Variants in RAD23A observed in about 807,000 individuals in gnomAD.
The protein encoded by RAD23A is RAD23 nucleotide excision repair protein A.
Under a neutral mutation model 44.8 loss-of-function variants are expected in RAD23A, and 16 were observed. The observed-to-expected ratio is 0.36, with a 90% CI of 0.24 to 0.54. The LOEUF (loss-of-function observed/expected upper bound fraction) is 0.54, where lower values mean the gene tolerates loss of function less well. Among genes scored for constraint, RAD23A ranks in the 20% least tolerant of loss-of-function variants. RAD23A has a pLI of 0.89. For synonymous variants in RAD23A, 217 were observed against 202.9 expected (o/e 1.07, Z -0.59); for missense variants, 380 against 483.3 (o/e 0.79, Z 2.00).
chr19:12,946,084 G>GGA, intron 1 of RAD23A, 64 bp downstream of exon 1: 1 of 512,144 alleles, frequency 2.0e-6, no homozygotes, highest in Non-Finnish European at 3.7e-6. Context: ...TGGGGGCGGG[G>GGA]AGGCTAGAAT....
chr19:12,953,107 T>C lies in RAD23A; in HGVS notation c.*58T>C. 8.3e-7 allele frequency: 1 copy of C among 1,205,168 alleles called. No homozygotes were observed. 74.7% of individuals were successfully genotyped at this position (1,205,168 alleles called of 1,614,324 possible). ...CTACCCTTATTCCATGAAAGTTTTA[T>C]AAAAGAAAAAATATATATATATTCA... On this transcript the variant is annotated 3_prime_UTR_variant, in exon 9 of 9. Coordinates refer to ENST00000586534, the MANE Select transcript of RAD23A (RefSeq NM_005053.4).
Position 12,948,558 on chromosome 19 carries a change from TG to T in RAD23A, c.472+9del. 1 of 1,590,888 alleles carries T rather than the reference TG, an allele frequency of 6.3e-7. No homozygotes were observed. The highest frequency in any genetic ancestry group is 8.6e-7 in the Non-Finnish European group (1 of 1,167,918). On this transcript the variant is annotated splice_region_variant and intron_variant, in intron 4 of 8. Transcript: ENST00000586534. The surrounding 1 kb of genome is among the most constrained non-coding windows in gnomAD (Gnocchi z 5.5). ...AGACGCGGCCTCCACGCTAGGTGGG[TG>T]GGTGGTCCCCAGGGCAGAGGTGACT...
Position 12,945,883 on chromosome 19 carries a change from A to T in RAD23A, c.-66A>T. 6.5e-7 allele frequency: 1 copy of T among 1,549,272 alleles called. No individual in the cohort carries two copies. Among genetic ancestry groups the T allele is most frequent in the South Asian group, 1.1e-5 (1 of 89,280 alleles). On this transcript the variant is annotated 5_prime_UTR_variant, in exon 1 of 9. It removes an upstream start codon present in the reference 5' UTR. Coordinates refer to ENST00000586534, the MANE Select transcript of RAD23A (RefSeq NM_005053.4). The stretch of plus-strand genomic sequence containing the variant: ...CGGCGCGGCGCGCCTGGGCGCTAAG[A>T]TGGCGGCGGCGTGAGTTGCATGTTG...
At chr19:12,949,895 G>A (rs1188764613) in intron 7 of RAD23A, among the ~76,000 whole-genome samples, 1 of 151,800 alleles carries the variant, frequency 6.6e-6, no homozygotes, top group Non-Finnish European at 1.5e-5. Flanking sequence ...CCCCCTGGGT[G>A]CAAGTAGGTT....
At chr19:12,950,643 T>C (rs994653274) in intron 7 of RAD23A, among the ~76,000 whole-genome samples, 10 of 152,172 alleles carry the variant, frequency 6.6e-5, no homozygotes, top group African/African-American at 2.2e-4. Flanking sequence ...CCTAATGATC[T>C]GCCCGCCTTG....
chr19:12,952,183 G>T (rs1215066011), intron 7 of RAD23A, among the ~76,000 whole-genome samples: 2 of 151,792 alleles, frequency 1.3e-5, no homozygotes, highest in Non-Finnish European at 2.9e-5. Context: ...GTGATTATAG[G>T]TGTGAACCAC....
chr19:12,951,509 T>A (rs533104643), intron 7 of RAD23A, among the ~76,000 whole-genome samples: 2 of 151,170 alleles, frequency 1.3e-5, no homozygotes, highest in South Asian at 4.2e-4. Context: ...TGCAGTGGCG[T>A]GATCTCAGCT....
chr19:12,948,761 C>T lies in RAD23A; in HGVS notation c.548C>T (p.Ala183Val). The T allele has an allele frequency of 1.2e-6, 2 of 1,613,514 alleles. No homozygotes were observed. Among genetic ancestry groups the T allele is most frequent in the South Asian group, 2.2e-5 (2 of 91,080 alleles). Residue 183 changes from alanine (A) to valine (V), a missense_variant, in exon 5 of 9, where the codon GCC (alanine) becomes GTC (valine). Ala to Val is a moderately conservative substitution (Grantham distance 64, BLOSUM62 0). Transcript: ENST00000586534. This position sits in a 1 kb window ranked among gnomAD's most constrained non-coding sequence, Gnocchi z 5.5. ...TATGAGCGAGAGCGGGTCGTGGCCG[C>T]CCTGAGAGCCAGCTACAACAACCCC... ...MGYERERVVA[A>V]LRASYNNPHR...
At position 12,946,084 on chromosome 19, in the gene RAD23A, G is replaced by GGC; in HGVS notation, c.72+64_72+65insGC. ...GTTTCGGGGGTGGGGTGGGGGCGGGGAGGCTAGAATCCCAACGGGAGGGGC... is the reference window on the plus strand; with the variant it reads ...GTTTCGGGGGTGGGGTGGGGGCGGGGGCAGGCTAGAATCCCAACGGGAGGGGC... On this transcript the variant is annotated intron_variant, in intron 1 of 8. Coordinates refer to ENST00000586534, the MANE Select transcript of RAD23A (RefSeq NM_005053.4). 32 of 512,114 alleles carry GGC rather than the reference G, an allele frequency of 6.2e-5. 3 individuals are homozygous for GGC. The highest frequency in any genetic ancestry group is 9.1e-5 in the Non-Finnish European group (25 of 273,316). 31.7% of individuals were successfully genotyped at this position (512,114 alleles called of 1,614,324 possible).
chr19:12,950,011 G>C (rs748826841), intron 7 of RAD23A, among the ~76,000 whole-genome samples: 1 of 152,056 alleles, frequency 6.6e-6, no homozygotes, highest in African/African-American at 2.4e-5. Flanking sequence ...CTGGTCGGTC[G>C]TGTTCTTCAT....
At chr19:12,952,035 A>G (rs1971826551) in intron 7 of RAD23A, among the ~76,000 whole-genome samples, 1 of 151,478 alleles carries the variant, frequency 6.6e-6, no homozygotes, top group Admixed American at 6.6e-5. Context: ...TGATTCTCCT[A>G]CCTTAGCCTT....
At chr19:12,949,949 C>A (rs1298157968) in intron 7 of RAD23A, among the ~76,000 whole-genome samples, 1 of 151,908 alleles carries the variant, frequency 6.6e-6, no homozygotes, top group Non-Finnish European at 1.5e-5. Flanking sequence ...TGGCTCAGGA[C>A]CCTGCTGTCT....
At chr19:12,951,962 GC>G (rs2146043281) in intron 7 of RAD23A, among the ~76,000 whole-genome samples, 2 of 152,264 alleles carry the variant, frequency 1.3e-5, no homozygotes, top group South Asian at 4.1e-4. Flanking sequence ...AGAGTCTCTT[GC>G]CCAGGCTGGA....
At chr19:12,949,628 C>G (rs1413749388) in intron 7 of RAD23A, 8 of 582,382 alleles carry the variant, frequency 1.4e-5, no homozygotes, top group Non-Finnish European at 2.1e-5. Flanking sequence ...TCACCTCCCA[C>G]AGAAGAAGAC....
Position 12,948,501 on chromosome 19 carries a change from G to A in RAD23A, c.421G>A (p.Val141Ile). 1 of 1,590,166 alleles carries A rather than the reference G, an allele frequency of 6.3e-7. No individual in the cohort carries two copies. The highest frequency in any genetic ancestry group is 8.6e-7 in the Non-Finnish European group (1 of 1,168,282). The change falls in exon 4 of 9, where the codon GTT (valine) becomes ATT (isoleucine). Residue 141 changes from valine (V) to isoleucine (I), a missense_variant. Val to Ile is a conservative substitution (Grantham distance 29). Around this residue, in one of 3 missense-constraint regions of RAD23A, gnomAD observed 279 missense variants for 313.7 expected, o/e 0.89. Coordinates refer to ENST00000586534, the MANE Select transcript of RAD23A (RefSeq NM_005053.4). This position sits in a 1 kb window ranked among gnomAD's most constrained non-coding sequence, Gnocchi z 5.5. ...TTSPESVSGS[V>I]PSSGSSGREE... is the part of the protein sequence containing the mutation. ...TTCTCTCTCTTGAATTTGCAGCTCT[G>A]TTCCCTCTTCAGGTAGCAGCGGGCG...
At position 12,950,781 on chromosome 19, in the gene RAD23A, C is replaced by T. The variant is rs74705275; in HGVS notation, c.813+1373C>T. ...GAGTTATATCAGAGCTTCCAGATAC[C>T]CAGGTAGGGCACAGTGGCTCATGCC... On this transcript the variant is annotated intron_variant, in intron 7 of 8. Transcript: ENST00000586534. Among the ~76,000 whole-genome samples the T allele has an allele frequency of 2.4e-4, 37 of 152,198 alleles. No individual in the cohort carries two copies. In the East Asian group the frequency reaches 3.9e-3, roughly 16 times the overall value.
At position 12,953,582 on chromosome 19, in the gene RAD23A, AC is replaced by A. The variant is rs1437239895; in HGVS notation, c.*537del. 1 of 153,164 alleles carries A rather than the reference AC, an allele frequency of 6.5e-6. No individual in the cohort carries two copies. The highest frequency in any genetic ancestry group is 1.5e-5 in the Non-Finnish European group (1 of 68,650). The allele number at this position is 153,164 out of a possible 1,614,324, so 9.5% of individuals were successfully genotyped here. ...TCAGCTCATTGTCAAGGCCACCCCCACCCCAGAACAGAACCGTGTCTCTGAT... is the reference window on the plus strand; with the variant it reads ...TCAGCTCATTGTCAAGGCCACCCCCACCCAGAACAGAACCGTGTCTCTGAT... On this transcript the variant is annotated 3_prime_UTR_variant, in exon 9 of 9. Coordinates refer to ENST00000586534, the MANE Select transcript of RAD23A (RefSeq NM_005053.4).
intron 1 of RAD23A, among the ~76,000 whole-genome samples, chr19:12,947,059 A>G (rs1282063639): frequency 6.6e-6 from 1 of 152,210 alleles, no homozygotes; most frequent in Non-Finnish European, 1.5e-5. Context: ...AACAAAAATC[A>G]ATAAATAAAA....
chr19:12,948,321 G>A lies in RAD23A; in HGVS notation c.379G>A (p.Glu127Lys). ...CAGAGAGGACAAGAGCCCATCAGAG[G>A]AATCCGCCCCCACGACGTCCCCAGA... ...AAREDKSPSE[E>K]SAPTTSPESV... The change falls in exon 3 of 9, where the codon GAA (glutamate) becomes AAA (lysine). Residue 127 changes from glutamate to lysine, a missense_variant. Physicochemically the swap from Glu to Lys is moderately conservative, Grantham distance 56. This residue lies in a region of RAD23A where 279 missense variants were observed against 313.7 expected (regional missense o/e 0.89). Coordinates refer to ENST00000586534, the MANE Select transcript of RAD23A (RefSeq NM_005053.4). The surrounding 1 kb of genome is among the most constrained non-coding windows in gnomAD (Gnocchi z 5.5). The A allele has an allele frequency of 6.2e-7, 1 of 1,606,346 alleles. No homozygotes were observed. The highest frequency in any genetic ancestry group is 8.5e-7 in the Non-Finnish European group (1 of 1,175,660).
Sources: allele counts gnomAD v4.1 joint callset (sites outside exome capture counted in the v4.1 genomes callset), GRCh38; gene constraint gnomAD v4.1.1; regional missense constraint gnomAD v4.1.1; non-coding constraint Gnocchi (gnomAD v3.1); transcripts MANE v1.5; gene names NCBI Gene and HGNC (gene_info 2026-07-23, HGNC 2026-07-21).